CLTA: variants seen among roughly 807,000 people sequenced by gnomAD.
CLTA encodes clathrin, light polypeptide (Lca).
CLTA carries 9 observed loss-of-function variants against 26.9 expected under a neutral mutation model. The observed-to-expected ratio is 0.33, with a 90% confidence interval of 0.20 to 0.58. The LOEUF is 0.58. CLTA is among the 20% of genes least tolerant of loss of function. The pLI is 0.85. For missense variants in CLTA, 278 were observed against 294.2 expected (o/e 0.94, Z 0.40); for synonymous variants, 120 against 115.5 (o/e 1.04, Z -0.25).
chr9:36,209,936 C>G (rs1311626193), intron 4 of CLTA, among the ~76,000 whole-genome samples: 2 of 152,176 alleles, frequency 1.3e-5, no homozygotes, highest in Non-Finnish European at 2.9e-5. Flanking sequence ...ATTTAGTGGT[C>G]AGCTTCTGAT....
upstream of CLTA, chr9:36,190,911 G>A (rs1360906549): frequency 7.3e-7 from 1 of 1,364,074 alleles, no homozygotes; most frequent in African/African-American, 1.5e-5. Context: ...CGGATACACG[G>A]GTAGGGCTTC....
chr9:36,211,716 A>G lies in CLTA; in HGVS notation c.599A>G (p.Asp200Gly). The G allele has an allele frequency of 6.2e-7, 1 of 1,614,044 alleles. No homozygotes were observed. Among genetic ancestry groups the G allele is most frequent in the Non-Finnish European group, 8.5e-7 (1 of 1,179,952 alleles). Residue 200 changes from aspartate (D) to glycine (G), a missense_variant, in exon 5 of 5, where the codon GAT (aspartate) becomes GGT (glycine). Coordinates refer to ENST00000345519, the MANE Select transcript of CLTA (RefSeq NM_001833.4). ...CCCAAGTCTAGCAAGCAGGCCAAAG[A>G]TGTCTCCCGCATGCGCTCAGTCCTC... The part of the protein sequence containing the change: ...FNPKSSKQAK[D>G]VSRMRSVLIS...
intron 3 of CLTA, among the ~76,000 whole-genome samples, chr9:36,200,565 GAC>G (rs2132895049): frequency 6.6e-6 from 1 of 152,342 alleles, no homozygotes; most frequent in African/African-American, 2.4e-5. Context: ...TGACCCAGAT[GAC>G]ACAGCCAATT....
intron 4 of CLTA, among the ~76,000 whole-genome samples, chr9:36,205,677 G>A (rs1178606166): frequency 1.3e-5 from 2 of 151,646 alleles, no homozygotes; most frequent in African/African-American, 4.9e-5. Flanking sequence ...TTTTTTCAAG[G>A]AAGTTTTGCT....
chr9:36,207,970 C>T (rs16933076), intron 4 of CLTA, among the ~76,000 whole-genome samples: 19,668 of 152,112 alleles, frequency 0.13, 1,375 homozygotes, highest in Non-Finnish European at 0.15. Flanking sequence ...TATAATCAGC[C>T]TGCTCTTTTT....
chr9:36,193,028 C>G (rs1430479523), intron 1 of CLTA, among the ~76,000 whole-genome samples: 2 of 152,182 alleles, frequency 1.3e-5, no homozygotes, highest in African/African-American at 4.8e-5. Flanking sequence ...TCCAAGGGTC[C>G]TATGTAGAAC....
At position 36,206,740 on chromosome 9, in the gene CLTA, C is replaced by T. The variant is rs547058919; in HGVS notation, c.485+2561C>T. 5.9e-4 allele frequency among the ~76,000 whole-genome samples: 89 copies of T among 151,820 alleles called. 2 individuals carry two copies. The highest frequency in any genetic ancestry group is 1.7e-3 in the South Asian group (8 of 4,792). On this transcript the variant is annotated intron_variant, in intron 4 of 4. Transcript: ENST00000345519. ...TGAAACCCCATCTCTACTAAAAATGCGAAAATTAACTGGGTGTGGTGGTGT... is the reference window on the plus strand; with the variant it reads ...TGAAACCCCATCTCTACTAAAAATGTGAAAATTAACTGGGTGTGGTGGTGT...
At chr9:36,204,008 A>G in intron 3 of CLTA, 60 bp from the exon 4 acceptor site, 5 of 1,602,016 alleles carry the variant, frequency 3.1e-6, no homozygotes, top group Non-Finnish European at 4.3e-6. Context: ...AAATAAACTG[A>G]TGAACTTCAG....
chr9:36,197,718 A>G (rs776776028), intron 2 of CLTA, 130 bp downstream of exon 2: 53 of 673,538 alleles, frequency 7.9e-5, no homozygotes, highest in Non-Finnish European at 1.3e-4. Context: ...CTGGTGTGTT[A>G]TCTACCAAAG....
chr9:36,197,465 C>T, intron 1 of CLTA, 86 bp from the exon 2 acceptor site: 1 of 871,532 alleles, frequency 1.1e-6, no homozygotes, highest in Non-Finnish European at 1.9e-6. Flanking sequence ...GTTCATACAG[C>T]ATATGATGCT....
chr9:36,210,798 C>A, intron 4 of CLTA: 1 of 957,776 alleles, frequency 1.0e-6, no homozygotes, highest in Admixed American at 2.0e-5. Flanking sequence ...GACCAGTCAT[C>A]TCCATTGCTT....
At chr9:36,197,222 CT>C (rs35928630) in intron 1 of CLTA, among the ~76,000 whole-genome samples, 11 of 150,216 alleles carry the variant, frequency 7.3e-5, no homozygotes, top group East Asian at 1.9e-4. Context: ...CCAGGCCACA[CT>C]TTTTTTTTTC....
At chr9:36,195,705 G>A (rs1188966495) in intron 1 of CLTA, among the ~76,000 whole-genome samples, 5 of 152,114 alleles carry the variant, frequency 3.3e-5, no homozygotes, top group Admixed American at 3.3e-4. Context: ...GGTGGCTCAC[G>A]CCTGAAATCC....
At chr9:36,209,359 C>G in intron 4 of CLTA, 1 of 1,463,418 alleles carries the variant, frequency 6.8e-7, no homozygotes, top group African/African-American at 1.4e-5. Flanking sequence ...ACATCTGATT[C>G]TTTCTACTTT....
At chr9:36,196,345 T>C (rs1827039461) in intron 1 of CLTA, among the ~76,000 whole-genome samples, 1 of 149,754 alleles carries the variant, frequency 6.7e-6, no homozygotes, top group Admixed American at 6.6e-5. Context: ...CTTTTTTCTT[T>C]TTTTTTTTTT....
chr9:36,205,567 G>C (rs952692334), intron 4 of CLTA, among the ~76,000 whole-genome samples: 3 of 152,098 alleles, frequency 2.0e-5, no homozygotes, highest in African/African-American at 7.2e-5. Context: ...TAGCTGTGCC[G>C]ACCCTCCCCG....
chr9:36,195,343 G>A (rs1424575561), intron 1 of CLTA, among the ~76,000 whole-genome samples: 1 of 152,082 alleles, frequency 6.6e-6, no homozygotes, highest in East Asian at 1.9e-4. Flanking sequence ...CAAATCAAAA[G>A]AGAAACTAGG....
At chr9:36,193,317 CTT>C (rs5897629) in intron 1 of CLTA, among the ~76,000 whole-genome samples, 19 of 137,506 alleles carry the variant, frequency 1.4e-4, no homozygotes, top group East Asian at 8.3e-4. Flanking sequence ...CTTTTTCCTT[CTT>C]TTTTTTTTTT....
At chr9:36,198,739 C>T (rs542803257) in intron 2 of CLTA, among the ~76,000 whole-genome samples, 4 of 146,612 alleles carry the variant, frequency 2.7e-5, no homozygotes, top group African/African-American at 1.0e-4. Flanking sequence ...ATAGGCCAGG[C>T]GCAGGCACCT....
Sources: gnomAD v4.1 joint callset for allele counts (sites outside exome capture counted in the v4.1 genomes callset) on GRCh38, gnomAD v4.1.1 for gene constraint, MANE v1.5 for transcripts, NCBI Gene and HGNC (gene_info 2026-07-23, HGNC 2026-07-21) for gene names.